PASK: variants seen among roughly 807,000 people sequenced by gnomAD.
PASK encodes the protein PAS domain-containing serine/threonine-protein kinase.
PASK carries 110 observed loss-of-function variants against 121.0 expected under a neutral mutation model. The observed-to-expected ratio is 0.91, with a 90% CI of 0.78 to 1.06. The LOEUF is 1.06. Among genes scored for constraint, PASK ranks in the 50% least tolerant of loss-of-function variants. The pLI is 0.00. For synonymous variants in PASK, 686 were observed against 717.8 expected (o/e 0.96, Z 0.71); for missense variants, 1,643 against 1,702.3 (o/e 0.97, Z 0.61).
At chr2:241,116,080 C>A (rs762862158) in intron 12 of PASK, among the ~76,000 whole-genome samples, 1,587 of 116,234 alleles carry the variant, frequency 0.014, 303 homozygotes, top group African/African-American at 0.064. Context: ...CCCAGTCCTC[C>A]AGCATCCCAT....
At chr2:241,123,688 C>A (rs569439592) in intron 11 of PASK, among the ~76,000 whole-genome samples, 1 of 152,058 alleles carries the variant, frequency 6.6e-6, no homozygotes, top group Non-Finnish European at 1.5e-5. Flanking sequence ...CGTGGTGGCG[C>A]GTGCCTGTAA....
At chr2:241,109,411 A>T (rs941655828) in intron 15 of PASK, 1 of 152,632 alleles carries the variant, frequency 6.6e-6, no homozygotes, top group Non-Finnish European at 1.5e-5. Context: ...GTCTGTCCCC[A>T]GAAGAGGTCT....
Position 241,106,561 on chromosome 2 carries a change from G to C in PASK, c.*5C>G. On this transcript the variant is annotated 3_prime_UTR_variant, in exon 18 of 18. Transcript: ENST00000234040. ...AAGTGGAGAAAAGCAGGAAGAAATT[G>C]GTGTTTAGCTGGTCAGCAGACGGGG... The C allele has an allele frequency of 6.2e-7, 1 of 1,613,972 alleles. No homozygotes were observed. The highest frequency in any genetic ancestry group is 8.5e-7 in the Non-Finnish European group (1 of 1,179,812).
At chr2:241,139,831 CCA>C in intron 4 of PASK, 52 bp downstream of exon 4, 1 of 1,560,516 alleles carries the variant, frequency 6.4e-7, no homozygotes, top group Non-Finnish European at 8.8e-7. Flanking sequence ...GCTGTTCCTG[CCA>C]CACACTGCTG....
upstream of PASK, chr2:241,149,691 G>A (rs1178688855): frequency 1.9e-6 from 3 of 1,550,130 alleles, no homozygotes; most frequent in African/African-American, 1.4e-5. Context: ...GTTTCCTCCC[G>A]ACTCGCGATC....
intron 8 of PASK, chr2:241,133,617 T>C (rs2270047): frequency 0.028 from 4,994 of 177,186 alleles, 440 homozygotes; most frequent in East Asian, 0.23. Context: ...CTGCACGCAG[T>C]GCAGCCTGGC....
intron 1 of PASK, among the ~76,000 whole-genome samples, chr2:241,146,848 C>T (rs1018802494): frequency 6.6e-6 from 1 of 152,214 alleles, no homozygotes; most frequent in Non-Finnish European, 1.5e-5. Flanking sequence ...TCAAATGCAT[C>T]CACTCTGCTG....
chr2:241,134,140 A>T (rs1369623608), intron 8 of PASK: 1 of 152,210 alleles, frequency 6.6e-6, no homozygotes, highest in Non-Finnish European at 1.5e-5. Context: ...TGAATCCAGA[A>T]GTTCCACTTC....
At chr2:241,124,566 T>C (rs1201020896) in intron 10 of PASK, among the ~76,000 whole-genome samples, 1 of 152,236 alleles carries the variant, frequency 6.6e-6, no homozygotes, top group Non-Finnish European at 1.5e-5. Context: ...TAAAAGCATG[T>C]ACACATGTAC....
At chr2:241,141,368 C>T (rs192458599) in intron 2 of PASK, among the ~76,000 whole-genome samples, 23 of 152,344 alleles carry the variant, frequency 1.5e-4, no homozygotes, top group South Asian at 4.1e-4. Flanking sequence ...GACCCCATGG[C>T]CACTCCGGTG....
chr2:241,136,915 G>A, intron 7 of PASK, 89 bp downstream of exon 7: 1 of 1,258,682 alleles, frequency 7.9e-7, no homozygotes, highest in Non-Finnish European at 1.1e-6. Flanking sequence ...CTTGCCGGGT[G>A]CGAGGCCTGT....
rs11408969 is a variant in PASK, at chr2:241,112,514, C to CAA, written c.3334-77_3334-76dup. 873 of 840,724 alleles carry CAA rather than the reference C, an allele frequency of 1.0e-3. No individual in the cohort carries two copies. Among genetic ancestry groups the CAA allele is most frequent in the African/African-American group, 6.9e-3 (379 of 55,056 alleles). 52.1% of individuals were successfully genotyped at this position (840,724 alleles called of 1,614,324 possible). A position where few individuals can be genotyped will look rare whatever the true frequency, so the allele number is the denominator to read the frequency against. The stretch of plus-strand genomic sequence containing the variant: ...AATATGCATTTAAAATAAACTGGAA[C>CAA]AAAAAAAAACACAAAGAAAAAATAA... On this transcript the variant is annotated intron_variant, in intron 14 of 17. Transcript: ENST00000234040. The surrounding 1 kb of genome is among the most constrained non-coding windows in gnomAD (Gnocchi z 5.2).
intron 14 of PASK, chr2:241,114,011 C>G (rs1361548179): frequency 1.0e-6 from 1 of 983,388 alleles, no homozygotes; most frequent in East Asian, 1.1e-4. Context: ...AGAGTATAAA[C>G]ACCATAATTA....
In PASK at chr2:241,139,935, C is replaced by T. The variant is rs374134139; in HGVS notation, c.550G>A (p.Glu184Lys). The T allele has an allele frequency of 3.8e-5, 62 of 1,614,074 alleles. No individual in the cohort carries two copies. The Middle Eastern group carries it at 4.9e-4, about 13-fold the overall frequency. Residue 184 changes from glutamate to lysine, a missense_variant, in exon 4 of 18, where the codon GAG becomes AAG. Coordinates refer to ENST00000234040, the MANE Select transcript of PASK (RefSeq NM_015148.4). ...SDSDVVEALS[E>K]EHMEADGHAA... ...TGGCCGTCGGCCTCCATGTGCTCCT[C>T]GCTGAGGGCCTCCACCACATCAGAA...
At chr2:241,125,923 C>T (rs1264437920) in intron 10 of PASK, among the ~76,000 whole-genome samples, 1 of 152,148 alleles carries the variant, frequency 6.6e-6, no homozygotes, top group African/African-American at 2.4e-5. Flanking sequence ...GAGCGGCTCT[C>T]TAAGTGTATG....
intron 12 of PASK, among the ~76,000 whole-genome samples, chr2:241,116,071 C>A (rs2065350883): frequency 7.0e-6 from 1 of 142,260 alleles, no homozygotes; most frequent in African/African-American, 2.8e-5. Flanking sequence ...CCAGAGACAC[C>A]CAGTCCTCCA....
At chr2:241,120,186 A>C (rs934836938) in intron 12 of PASK, among the ~76,000 whole-genome samples, 1 of 152,108 alleles carries the variant, frequency 6.6e-6, no homozygotes, top group Non-Finnish European at 1.5e-5. Flanking sequence ...AAGACAACCC[A>C]ATTTAAAAGT....
chr2:241,114,743 G>T, intron 14 of PASK: 1 of 1,386,408 alleles, frequency 7.2e-7, no homozygotes, highest in East Asian at 2.7e-5. Context: ...ACCCTTACTG[G>T]TTAATTTTTA....
intron 11 of PASK, 114 bp downstream of exon 11, chr2:241,123,835 A>T: frequency 1.3e-5 from 11 of 842,534 alleles, no homozygotes; most frequent in Non-Finnish European, 1.9e-5. Context: ...AAAAAAAAAA[A>T]GCTACAAACA....
Sources: gnomAD v4.1 joint callset for allele counts (sites outside exome capture counted in the v4.1 genomes callset) on GRCh38, gnomAD v4.1.1 for gene constraint, Gnocchi (gnomAD v3.1) non-coding constraint, MANE v1.5 for transcripts, NCBI Gene and HGNC (gene_info 2026-07-23, HGNC 2026-07-21) for gene names.